The following ADAM10 variants were observed in gnomAD, a reference collection of about 807,000 sequenced individuals.
The protein encoded by ADAM10 is disintegrin and metalloproteinase domain-containing protein 10.
A neutral mutation model predicts 90.1 loss-of-function variants in ADAM10; 17 were observed. That is an observed-to-expected ratio of 0.19 (90% CI 0.13 to 0.28). ADAM10 has a LOEUF of 0.28. Ranked by LOEUF, ADAM10 falls within the 10% of genes least tolerant of loss-of-function variation. The pLI is 1.00. For missense variants in ADAM10, 610 were observed against 914.3 expected, an observed-to-expected ratio of 0.67 and a Z score of 4.29; for synonymous variants, 310 against 298.6, an observed-to-expected ratio of 1.04 and a Z score of -0.40.
At position 58,588,811 on chromosome 15, in the gene ADAM10, G is replaced by C. The variant is rs1270574482; in HGVS notation, c.*8736C>G. On this transcript the variant is annotated 3_prime_UTR_variant, in exon 16 of 16. Transcript: ENST00000260408. ...ACATTCATCCACAAACACAAATCTA[G>C]AGTCTCCCATTTTATTTCTAATTTG... is the stretch of plus-strand genomic sequence containing the variant. 6.6e-6 allele frequency: 1 copy of C among 152,004 alleles called. No homozygotes were observed. The highest frequency in any genetic ancestry group is 1.5e-5 in the Non-Finnish European group (1 of 68,016). 9.4% of individuals were successfully genotyped at this position (152,004 alleles called of 1,614,324 possible).
intron 9 of ADAM10, among the ~76,000 whole-genome samples, chr15:58,631,359 A>C (rs1957820290): frequency 6.6e-6 from 1 of 152,214 alleles, no homozygotes; most frequent in Admixed American, 6.5e-5. Flanking sequence ...CGTGGTAGGC[A>C]AAGAGTGTGA....
chr15:58,692,622 T>C, intron 2 of ADAM10: 1 of 559,278 alleles, frequency 1.8e-6, no homozygotes, highest in Non-Finnish European at 3.6e-6. Context: ...ACCTCTCTTC[T>C]AAGTACTCTG....
In ADAM10 at chr15:58,591,657, A is replaced by C. The variant is rs1894826523; in HGVS notation, c.*5890T>G. 1 of 152,200 alleles carries C rather than the reference A, an allele frequency of 6.6e-6. No homozygotes were observed. Among genetic ancestry groups the C allele is most frequent in the Non-Finnish European group, 1.5e-5 (1 of 68,050 alleles). 9.4% of individuals were successfully genotyped at this position (152,200 alleles called of 1,614,324 possible). ...AAGTGCCCATCACCCAGCTTCAATAATTATCAACTCACAGCCAATCTTGTT... is the reference window on the plus strand; with the variant it reads ...AAGTGCCCATCACCCAGCTTCAATACTTATCAACTCACAGCCAATCTTGTT... On this transcript the variant is annotated 3_prime_UTR_variant, in exon 16 of 16. Transcript: ENST00000260408.
intron 4 of ADAM10, among the ~76,000 whole-genome samples, chr15:58,674,923 C>T (rs1227167331): frequency 6.6e-6 from 1 of 152,246 alleles, no homozygotes; most frequent in African/African-American, 2.4e-5. Flanking sequence ...GGCACAGTGG[C>T]TCACGCCTGT....
intron 6 of ADAM10, among the ~76,000 whole-genome samples, chr15:58,645,679 A>C (rs1896527897): frequency 6.6e-6 from 1 of 152,206 alleles, no homozygotes; most frequent in Non-Finnish European, 1.5e-5. Context: ...CACAAGTACA[A>C]ATAATAATGT....
chr15:58,678,280 G>C (rs1195030458), intron 4 of ADAM10, among the ~76,000 whole-genome samples: 4 of 152,186 alleles, frequency 2.6e-5, no homozygotes, highest in African/African-American at 9.6e-5. Flanking sequence ...AGCTGATGGA[G>C]CAAAAAGTCA....
intron 2 of ADAM10, among the ~76,000 whole-genome samples, chr15:58,708,592 G>A (rs1898377724): frequency 6.6e-6 from 1 of 152,102 alleles, no homozygotes; most frequent in Non-Finnish European, 1.5e-5. Context: ...GAGCTCAGAA[G>A]TTTGAGGCCA....
At chr15:58,647,846 C>T (rs934996143) in intron 5 of ADAM10, among the ~76,000 whole-genome samples, 5 of 152,136 alleles carry the variant, frequency 3.3e-5, no homozygotes, top group Non-Finnish European at 7.3e-5. Context: ...AGCCACTGTG[C>T]CTGGCCTCAA....
chr15:58,648,090 T>A (rs967872641), intron 5 of ADAM10, among the ~76,000 whole-genome samples: 1 of 152,214 alleles, frequency 6.6e-6, no homozygotes, highest in African/African-American at 2.4e-5. Flanking sequence ...AGGGTAACTA[T>A]GTGAAATGAT....
chr15:58,649,890 T>C lies in ADAM10; in HGVS notation c.586-3686A>G, dbSNP rs182134622. Among the ~76,000 whole-genome samples the C allele has an allele frequency of 1.4e-3, 208 of 152,300 alleles. 1 individual carries two copies. Among genetic ancestry groups the C allele is most frequent in the Non-Finnish European group, 2.2e-3 (152 of 67,996 alleles). On this transcript the variant is annotated intron_variant, in intron 5 of 15. Transcript: ENST00000260408. ...CCTTGACTCTCCATTTTCCTCCTTC[T>C]AGGACATCAATTACATAATACATAT...
chr15:58,654,813 T>A (rs1444641952), intron 5 of ADAM10, among the ~76,000 whole-genome samples: 1 of 152,224 alleles, frequency 6.6e-6, no homozygotes, highest in Non-Finnish European at 1.5e-5. Flanking sequence ...AAGACTCCTT[T>A]TGTTATTGAT....
chr15:58,626,312 A>G (rs1379339617), intron 10 of ADAM10, among the ~76,000 whole-genome samples: 1 of 152,176 alleles, frequency 6.6e-6, no homozygotes, highest in Non-Finnish European at 1.5e-5. Context: ...ATGTGAATCT[A>G]TTAATTATCT....
chr15:58,601,249 G>C (rs956812527), intron 14 of ADAM10, among the ~76,000 whole-genome samples: 1 of 152,078 alleles, frequency 6.6e-6, no homozygotes, highest in East Asian at 1.9e-4. Flanking sequence ...ATCACCTGAG[G>C]TCAGGAGTTC....
At chr15:58,641,438 G>A (rs1896413985) in intron 7 of ADAM10, among the ~76,000 whole-genome samples, 1 of 152,172 alleles carries the variant, frequency 6.6e-6, no homozygotes, top group Non-Finnish European at 1.5e-5. Context: ...CAGTTCAGCA[G>A]ACAAATCATT....
chr15:58,728,436 G>A (rs1899114029), intron 1 of ADAM10, among the ~76,000 whole-genome samples: 1 of 151,918 alleles, frequency 6.6e-6, no homozygotes, highest in Non-Finnish European at 1.5e-5. Context: ...AAGCTGACTA[G>A]ATTTTTTTTT....
chr15:58,636,675 CTAAAGT>C (rs1341667874), intron 8 of ADAM10, among the ~76,000 whole-genome samples: 1 of 152,004 alleles, frequency 6.6e-6, no homozygotes, highest in Non-Finnish European at 1.5e-5. Flanking sequence ...AGTTTGAGAG[CTAAAGT>C]TAGAGTATCT....
In ADAM10 at chr15:58,597,166, G is replaced by A; in HGVS notation, c.*381C>T. The A allele has an allele frequency of 2.0e-6, 1 of 506,644 alleles. No homozygotes were observed. Among genetic ancestry groups the A allele is most frequent in the Non-Finnish European group, 3.5e-6 (1 of 286,756 alleles). The allele number at this position is 506,644 out of a possible 1,614,324, so 31.4% of individuals were successfully genotyped here. A position where few individuals can be genotyped will look rare whatever the true frequency, so the allele number is the denominator to read the frequency against. ...TGGTCGAGCCTCCTAGCCTTGATTG[G>A]CAGTTGAAAAAAATATATTTATTTC... On this transcript the variant is annotated 3_prime_UTR_variant, in exon 16 of 16. Transcript: ENST00000260408.
chr15:58,746,457 T>C (rs1378074909), intron 1 of ADAM10, among the ~76,000 whole-genome samples: 1 of 152,228 alleles, frequency 6.6e-6, no homozygotes, highest in Non-Finnish European at 1.5e-5. Flanking sequence ...TAGGCAATGG[T>C]ACCTTCCTAC....
intron 1 of ADAM10, among the ~76,000 whole-genome samples, chr15:58,726,567 CAAAAAAAAA>C (rs71116593): frequency 3.9e-4 from 8 of 20,778 alleles, no homozygotes; most frequent in South Asian, 9.8e-3. Flanking sequence ...CTCAGTCTCC[CAAAAAAAAA>C]AAAAAAAAAA....
Sources: allele counts gnomAD v4.1 joint callset (sites outside exome capture counted in the v4.1 genomes callset), GRCh38; gene constraint gnomAD v4.1.1; transcripts MANE v1.5; gene names NCBI Gene and HGNC (gene_info 2026-07-23, HGNC 2026-07-21).